IGF2BP2: variants seen among roughly 807,000 people sequenced by gnomAD.
The protein encoded by IGF2BP2 is insulin-like growth factor 2 mRNA-binding protein 2.
Under a neutral mutation model 75.8 loss-of-function variants are expected in IGF2BP2, and 17 were observed. The observed-to-expected ratio is 0.22, with a 90% CI of 0.15 to 0.34. The LOEUF is 0.34. Ranked by LOEUF, IGF2BP2 falls within the 10% of genes least tolerant of loss-of-function variation. IGF2BP2 has a pLI of 1.00. For missense variants in IGF2BP2, 516 were observed against 772.4 expected, an observed-to-expected ratio of 0.67 and a Z score of 3.93; for synonymous variants, 288 against 295.6, an observed-to-expected ratio of 0.97 and a Z score of 0.26.
At chr3:185,718,164 A>G (rs1045104637) in intron 2 of IGF2BP2, 2 of 152,354 alleles carry the variant, frequency 1.3e-5, no homozygotes, top group East Asian at 1.9e-4. Flanking sequence ...TTATCAAAAC[A>G]CCCAATTTGT....
intron 2 of IGF2BP2, among the ~76,000 whole-genome samples, chr3:185,759,878 A>G (rs949689789): frequency 1.1e-4 from 16 of 152,232 alleles, no homozygotes; most frequent in Admixed American, 9.2e-4. Flanking sequence ...GAACTTACAC[A>G]AAAGTAGACA....
At chr3:185,669,962 C>A (rs1322511955) in intron 10 of IGF2BP2, among the ~76,000 whole-genome samples, 1 of 152,142 alleles carries the variant, frequency 6.6e-6, no homozygotes, top group Non-Finnish European at 1.5e-5. Context: ...CACAGGTGGG[C>A]AGTGAGGGCC....
chr3:185,668,892 G>A (rs936882219), intron 10 of IGF2BP2, among the ~76,000 whole-genome samples: 2 of 152,096 alleles, frequency 1.3e-5, no homozygotes. Flanking sequence ...TCCCAGACCT[G>A]AAGAGCTTAA....
At chr3:185,757,028 C>G (rs942275540) in intron 2 of IGF2BP2, among the ~76,000 whole-genome samples, 1 of 152,098 alleles carries the variant, frequency 6.6e-6, no homozygotes, top group South Asian at 2.1e-4. Context: ...TGTGTTCTTC[C>G]AACACTCACG....
intron 2 of IGF2BP2, among the ~76,000 whole-genome samples, chr3:185,776,439 C>T (rs1420361374): frequency 2.0e-5 from 3 of 151,958 alleles, no homozygotes; most frequent in East Asian, 1.9e-4. Flanking sequence ...AAGTGAGGAC[C>T]GGGTTACTGA....
intron 9 of IGF2BP2, among the ~76,000 whole-genome samples, chr3:185,673,590 G>A (rs751120958): frequency 2.0e-5 from 3 of 152,210 alleles, no homozygotes; most frequent in Non-Finnish European, 4.4e-5. Context: ...GCAGAGGAAC[G>A]TGGTCACCCA....
At chr3:185,731,451 C>A (rs1248396748) in intron 2 of IGF2BP2, among the ~76,000 whole-genome samples, 1 of 151,746 alleles carries the variant, frequency 6.6e-6, no homozygotes, top group Admixed American at 6.6e-5. Flanking sequence ...TGAGGTTTCA[C>A]CATGTTGGCC....
intron 2 of IGF2BP2, among the ~76,000 whole-genome samples, chr3:185,776,720 TAA>T (rs1734580629): frequency 1.3e-5 from 2 of 152,252 alleles, no homozygotes; most frequent in Admixed American, 1.3e-4. Context: ...CCCCAGGAGA[TAA>T]GAGTGCAAGG....
At chr3:185,696,157 A>G (rs1310266258) in intron 4 of IGF2BP2, among the ~76,000 whole-genome samples, 1 of 152,198 alleles carries the variant, frequency 6.6e-6, no homozygotes. Context: ...GTCTACAGTA[A>G]GCCCTAGGAG....
At chr3:185,735,677 C>G (rs186868711) in intron 2 of IGF2BP2, among the ~76,000 whole-genome samples, 1 of 152,214 alleles carries the variant, frequency 6.6e-6, no homozygotes, top group East Asian at 1.9e-4. Context: ...GCTCCTTACC[C>G]CAGGAACCTG....
intron 2 of IGF2BP2, among the ~76,000 whole-genome samples, chr3:185,744,490 C>A (rs1193998303): frequency 2.6e-5 from 4 of 152,134 alleles, no homozygotes; most frequent in Non-Finnish European, 5.9e-5. Flanking sequence ...TAATTTGACA[C>A]CTTCCTTTCT....
intron 2 of IGF2BP2, chr3:185,712,581 C>T (rs1013088736): frequency 1.3e-5 from 2 of 152,122 alleles, no homozygotes; most frequent in African/African-American, 4.8e-5. Flanking sequence ...TCTAATGCCT[C>T]AGCCATGAGA....
chr3:185,715,648 TTTC>T (rs1725490452), intron 2 of IGF2BP2, among the ~76,000 whole-genome samples: 4 of 152,018 alleles, frequency 2.6e-5, no homozygotes, highest in Non-Finnish European at 5.9e-5. Context: ...TCTTTCTTTC[TTTC>T]TTTTTTTTTG....
intron 7 of IGF2BP2, among the ~76,000 whole-genome samples, chr3:185,682,643 C>T (rs1720554157): frequency 6.6e-6 from 1 of 152,124 alleles, no homozygotes; most frequent in African/African-American, 2.4e-5. Context: ...AGACATTTCT[C>T]TAAAGATGAT....
At chr3:185,660,619 C>T (rs551966402) in intron 10 of IGF2BP2, among the ~76,000 whole-genome samples, 3 of 152,212 alleles carry the variant, frequency 2.0e-5, no homozygotes, top group East Asian at 1.9e-4. Flanking sequence ...CACAAGAGGG[C>T]GCTATGAGAT....
At chr3:185,736,762 C>T (rs917542569) in intron 2 of IGF2BP2, among the ~76,000 whole-genome samples, 4 of 152,226 alleles carry the variant, frequency 2.6e-5, no homozygotes, top group Non-Finnish European at 5.9e-5. Context: ...GCAGTCTCTG[C>T]GATGTCGGAC....
At chr3:185,796,966 A>AC (rs1403400172) in intron 2 of IGF2BP2, among the ~76,000 whole-genome samples, 1 of 152,158 alleles carries the variant, frequency 6.6e-6, no homozygotes, top group Non-Finnish European at 1.5e-5. Flanking sequence ...CAGGTACGAA[A>AC]CCAACAACAC....
At chr3:185,759,499 A>C (rs1416053969) in intron 2 of IGF2BP2, among the ~76,000 whole-genome samples, 1 of 152,216 alleles carries the variant, frequency 6.6e-6, no homozygotes, top group Non-Finnish European at 1.5e-5. Flanking sequence ...GAGAAAGGAG[A>C]ATCAGGAGAA....
chr3:185,667,540 C>T (rs1370515865), intron 10 of IGF2BP2, among the ~76,000 whole-genome samples: 7 of 152,108 alleles, frequency 4.6e-5, no homozygotes, highest in Admixed American at 4.6e-4. Flanking sequence ...TGGAAGAAGG[C>T]TTTTTTCCTT....
Sources: allele counts gnomAD v4.1 joint callset (sites outside exome capture counted in the v4.1 genomes callset), GRCh38; gene constraint gnomAD v4.1.1; transcripts MANE v1.5; gene names NCBI Gene and HGNC (gene_info 2026-07-23, HGNC 2026-07-21).